Variants in CSGALNACT1 observed in about 807,000 individuals in gnomAD.
CSGALNACT1 encodes beta4GalNAcT-1.
A neutral mutation model predicts 51.0 loss-of-function variants in CSGALNACT1; 52 were observed. The ratio of observed to expected loss-of-function variants is 1.02; its 90% CI spans 0.82 to 1.29. CSGALNACT1 has a LOEUF of 1.29. CSGALNACT1 is among the 50% of genes most tolerant of loss of function. CSGALNACT1 has a pLI of 0.00. For synonymous variants in CSGALNACT1, 341 were observed against 254.4 expected (o/e 1.34, Z -3.24); for missense variants, 935 against 679.2 (o/e 1.38, Z -4.19).
chr8:19,750,367 G>A (rs752502071), intron 1 of CSGALNACT1, among the ~76,000 whole-genome samples: 3 of 152,040 alleles, frequency 2.0e-5, no homozygotes, highest in Non-Finnish European at 4.4e-5. Flanking sequence ...GATCACACTC[G>A]GCCTTGGATT....
At chr8:19,699,684 G>C (rs909708956) in intron 1 of CSGALNACT1, among the ~76,000 whole-genome samples, 1 of 152,240 alleles carries the variant, frequency 6.6e-6, no homozygotes, top group Non-Finnish European at 1.5e-5. Context: ...AATTTTGCAA[G>C]ATGAAGAGTT....
intron 1 of CSGALNACT1, among the ~76,000 whole-genome samples, chr8:19,641,526 G>A (rs1229050919): frequency 6.6e-6 from 1 of 152,112 alleles, no homozygotes; most frequent in Non-Finnish European, 1.5e-5. Context: ...AAAACAAGAT[G>A]TCCACAGGAG....
chr8:19,482,467 ACTT>A (rs1197418904), intron 4 of CSGALNACT1, among the ~76,000 whole-genome samples: 1 of 151,860 alleles, frequency 6.6e-6, no homozygotes, highest in Non-Finnish European at 1.5e-5. Flanking sequence ...GCCAGCAATG[ACTT>A]CTTCTGCTAC....
intron 1 of CSGALNACT1, among the ~76,000 whole-genome samples, chr8:19,718,085 T>C (rs113277124): frequency 0.015 from 2,344 of 152,106 alleles, 31 homozygotes; most frequent in Non-Finnish European, 0.024. Flanking sequence ...ACCTAAAAGG[T>C]CCAAAGCATA....
At chr8:19,644,583 G>T (rs201412903) in intron 1 of CSGALNACT1, among the ~76,000 whole-genome samples, 7 of 151,532 alleles carry the variant, frequency 4.6e-5, no homozygotes, top group African/African-American at 1.4e-4. Context: ...AGTGGCATGC[G>T]CCTGTAATCC....
chr8:19,594,762 G>C (rs2048548291), intron 2 of CSGALNACT1, among the ~76,000 whole-genome samples: 1 of 151,732 alleles, frequency 6.6e-6, no homozygotes, highest in African/African-American at 2.4e-5. Context: ...ATGTCAGCCA[G>C]GCTGGTCTCG....
At chr8:19,531,596 C>T (rs1233617103) in intron 3 of CSGALNACT1, among the ~76,000 whole-genome samples, 1 of 152,242 alleles carries the variant, frequency 6.6e-6, no homozygotes, top group Non-Finnish European at 1.5e-5. Flanking sequence ...TGGGTCTCAG[C>T]TTCTCAGGTG....
chr8:19,549,265 A>AAT (rs2087289521), intron 3 of CSGALNACT1, among the ~76,000 whole-genome samples: 1 of 152,090 alleles, frequency 6.6e-6, no homozygotes, highest in Non-Finnish European at 1.5e-5. Context: ...AGTAACAATA[A>AAT]TACTATTTAT....
exon 4 of CSGALNACT1, chr8:19,505,881 G>C (rs111514169): frequency 6.2e-7 from 1 of 1,601,200 alleles, no homozygotes; most frequent in East Asian, 2.2e-5. Flanking sequence ...CCTCAAAGCC[G>C]GGGCCCCCAC....
At chr8:19,523,598 ATTGTACTATT>A (rs2081138039) in intron 3 of CSGALNACT1, among the ~76,000 whole-genome samples, 1 of 152,190 alleles carries the variant, frequency 6.6e-6, no homozygotes, top group African/African-American at 2.4e-5. Flanking sequence ...CCCAGGCTAC[ATTGTACTATT>A]AAAACAGAAA....
chr8:19,651,486 G>T (rs575182237), intron 1 of CSGALNACT1, among the ~76,000 whole-genome samples: 1 of 152,100 alleles, frequency 6.6e-6, no homozygotes, highest in South Asian at 2.1e-4. Flanking sequence ...TCAACGTTTA[G>T]CTCCCACTTG....
At chr8:19,699,361 G>A (rs558672683) in intron 1 of CSGALNACT1, among the ~76,000 whole-genome samples, 1 of 152,226 alleles carries the variant, frequency 6.6e-6, no homozygotes, top group African/African-American at 2.4e-5. Flanking sequence ...AGCATTATTT[G>A]CAACAGCCAA....
chr8:19,683,451 A>C (rs1347305562), upstream of CSGALNACT1, among the ~76,000 whole-genome samples: 1 of 152,230 alleles, frequency 6.6e-6, no homozygotes, highest in Non-Finnish European at 1.5e-5. Flanking sequence ...AGAGTTTGGT[A>C]AGGTGTCAAG....
chr8:19,607,966 A>T (rs1434802249), intron 1 of CSGALNACT1, among the ~76,000 whole-genome samples: 1 of 151,342 alleles, frequency 6.6e-6, no homozygotes, highest in Non-Finnish European at 1.5e-5. Flanking sequence ...AGACTAGGGA[A>T]GAGAAGCTTA....
chr8:19,431,402 T>C (rs2059630286), intron 6 of CSGALNACT1, among the ~76,000 whole-genome samples: 1 of 152,162 alleles, frequency 6.6e-6, no homozygotes, highest in South Asian at 2.1e-4. Context: ...CAAATGCTTT[T>C]CCTATGCATA....
At chr8:19,484,579 A>C (rs1470017216) in intron 4 of CSGALNACT1, among the ~76,000 whole-genome samples, 1 of 152,176 alleles carries the variant, frequency 6.6e-6, no homozygotes, top group African/African-American at 2.4e-5. Context: ...TGGCATTCTC[A>C]TTTCAGGAGT....
At chr8:19,675,815 C>T (rs2060135507) in intron 1 of CSGALNACT1, among the ~76,000 whole-genome samples, 1 of 152,050 alleles carries the variant, frequency 6.6e-6, no homozygotes, top group African/African-American at 2.4e-5. Context: ...AACCTCCACC[C>T]CACTCTGCCC....
chr8:19,633,566 G>C (rs2055590450), intron 1 of CSGALNACT1, among the ~76,000 whole-genome samples: 1 of 152,226 alleles, frequency 6.6e-6, no homozygotes, highest in South Asian at 2.1e-4. Flanking sequence ...ACAGCAAAGA[G>C]AGACTGCAGA....
rs540032691 is a variant in CSGALNACT1, at chr8:19,651,581, C to T, written c.-544+30892G>A. 3.9e-5 allele frequency among the ~76,000 whole-genome samples: 6 copies of T among 152,300 alleles called. No individual in the cohort carries two copies. In the South Asian group the frequency reaches 1.0e-3, roughly 26 times the overall value. ...GCCTCCAGCTCCATACTTGTTGCTGCAAAGGATAGGATTTTGTTTTTTTTA... is the reference window on the plus strand; with the variant it reads ...GCCTCCAGCTCCATACTTGTTGCTGTAAAGGATAGGATTTTGTTTTTTTTA... On this transcript the variant is annotated intron_variant, in intron 1 of 9. Transcript: ENST00000332246.
Sources: gnomAD v4.1 joint callset for allele counts (sites outside exome capture counted in the v4.1 genomes callset) on GRCh38, gnomAD v4.1.1 for gene constraint, MANE v1.5 for transcripts, NCBI Gene and HGNC (gene_info 2026-07-23, HGNC 2026-07-21) for gene names.